Variants in PDE4D observed in about 807,000 individuals in gnomAD.
The protein encoded by PDE4D is phosphodiesterase 4D.
A neutral mutation model predicts 87.4 loss-of-function variants in PDE4D; 24 were observed. The observed-to-expected ratio is 0.27, with a 90% confidence interval of 0.20 to 0.39. The LOEUF (loss-of-function observed/expected upper bound fraction) is 0.39, where lower values mean the gene tolerates loss of function less well. Among genes scored for constraint, PDE4D ranks in the 10% least tolerant of loss-of-function variants. The pLI is 1.00. For synonymous variants in PDE4D, 384 were observed against 383.2 expected, an observed-to-expected ratio of 1.00 and a Z score of -0.02; for missense variants, 714 against 1,041.0, an observed-to-expected ratio of 0.69 and a Z score of 4.32.
intron 1 of PDE4D, among the ~76,000 whole-genome samples, chr5:59,792,345 T>G (rs1183386467): frequency 6.6e-6 from 1 of 151,958 alleles, no homozygotes; most frequent in Non-Finnish European, 1.5e-5. Flanking sequence ...TTATTTTTTT[T>G]CATTTCAAAT....
At chr5:60,347,867 G>A (rs140822267) in intron 1 of PDE4D, among the ~76,000 whole-genome samples, 117 of 152,232 alleles carry the variant, frequency 7.7e-4, no homozygotes, top group African/African-American at 2.6e-3. Context: ...ATTGCAAAGC[G>A]AAAACTCAGG....
intron 1 of PDE4D, among the ~76,000 whole-genome samples, chr5:59,297,712 T>C (rs919215966): frequency 6.6e-6 from 1 of 152,040 alleles, no homozygotes; most frequent in Admixed American, 6.6e-5. Context: ...AATGAATGAA[T>C]GAATGAATGA....
intron 1 of PDE4D, among the ~76,000 whole-genome samples, chr5:59,507,042 A>G (rs1383535167): frequency 6.6e-6 from 1 of 152,204 alleles, no homozygotes; most frequent in Non-Finnish European, 1.5e-5. Context: ...TTTACCAATA[A>G]TAAAATGGGC....
rs184210806 is a variant in PDE4D at position 60,056,711 on chromosome 5, C to T, written c.43-67994G>A. Among the ~76,000 whole-genome samples the T allele has an allele frequency of 6.5e-4, 99 of 152,102 alleles. 1 individual carries two copies. The highest frequency in any genetic ancestry group is 2.2e-3 in the African/African-American group (93 of 41,534). The stretch of plus-strand genomic sequence containing the variant: ...TCTAATTTTTCTGGGCCTAGGTTTC[C>T]GTATCTTTAAAATACAGTGTCCTTT... On this transcript the variant is annotated intron_variant, in intron 2 of 16. Coordinates refer to the PDE4D transcript ENST00000502484.
chr5:59,173,324 G>T (rs528361939), intron 5 of PDE4D, among the ~76,000 whole-genome samples: 55 of 152,118 alleles, frequency 3.6e-4, no homozygotes, highest in African/African-American at 1.3e-3. Context: ...ATATTAATAG[G>T]TATGGCTCTA....
At chr5:59,628,771 A>C (rs2150138483) in intron 1 of PDE4D, among the ~76,000 whole-genome samples, 1 of 152,336 alleles carries the variant, frequency 6.6e-6, no homozygotes, top group Non-Finnish European at 1.5e-5. Context: ...GTGCTAGGAA[A>C]GGGTAAGACT....
At chr5:60,479,157 G>C (rs1318901883) in intron 1 of PDE4D, among the ~76,000 whole-genome samples, 1 of 152,038 alleles carries the variant, frequency 6.6e-6, no homozygotes, top group African/African-American at 2.4e-5. Flanking sequence ...GTTGGGGAGG[G>C]GGGAAGTTTT....
At chr5:59,216,934 C>T (rs768583826) in intron 1 of PDE4D, 5 of 197,150 alleles carry the variant, frequency 2.5e-5, no homozygotes, top group South Asian at 1.7e-4. Context: ...GTTTTTCACC[C>T]GGTCTCCATT....
chr5:59,299,415 TC>T (rs750060183), intron 1 of PDE4D, among the ~76,000 whole-genome samples: 18 of 152,150 alleles, frequency 1.2e-4, no homozygotes, highest in Non-Finnish European at 2.1e-4. Flanking sequence ...TTTTCAGAGA[TC>T]CTTCCATTTC....
intron 1 of PDE4D, among the ~76,000 whole-genome samples, chr5:59,666,282 T>C (rs1434865872): frequency 6.6e-6 from 1 of 152,142 alleles, no homozygotes. Context: ...TTTATGATAT[T>C]TTATTGTAAC....
At chr5:59,952,037 C>T (rs949886404) in intron 3 of PDE4D, among the ~76,000 whole-genome samples, 1 of 152,082 alleles carries the variant, frequency 6.6e-6, no homozygotes, top group African/African-American at 2.4e-5. Context: ...AGGGAAAGAC[C>T]AGGTAGAAGT....
intron 5 of PDE4D, among the ~76,000 whole-genome samples, chr5:59,081,523 A>AAAAAAAAAG (rs1766769463): frequency 2.6e-5 from 4 of 151,244 alleles, no homozygotes; most frequent in East Asian, 1.9e-4. Flanking sequence ...TCAGGTAAAA[A>AAAAAAAAAG]AAAAAAAGAA....
chr5:60,309,189 T>C (rs1185985630), intron 1 of PDE4D, among the ~76,000 whole-genome samples: 3 of 152,034 alleles, frequency 2.0e-5, no homozygotes, highest in African/African-American at 7.2e-5. Context: ...GTGCATAGCA[T>C]CTGCCTCTGA....
chr5:59,750,847 G>A lies in PDE4D; in HGVS notation c.455+142321C>T, dbSNP rs202246087. 2.0e-5 allele frequency among the ~76,000 whole-genome samples: 3 copies of A among 150,732 alleles called. No homozygotes were observed. In the East Asian group the frequency reaches 5.9e-4, roughly 29 times the overall value. ...GCTACCTGAGAGGTTGAGGTGGGAGGCCTCTTGAACCCAGAGCCCAAGAGG... is the reference window on the plus strand; with the variant it reads ...GCTACCTGAGAGGTTGAGGTGGGAGACCTCTTGAACCCAGAGCCCAAGAGG... On this transcript the variant is annotated intron_variant, in intron 1 of 14. Transcript: ENST00000340635.
chr5:59,755,756 G>A (rs955903223), intron 1 of PDE4D, among the ~76,000 whole-genome samples: 4 of 151,770 alleles, frequency 2.6e-5, no homozygotes, highest in African/African-American at 9.7e-5. Flanking sequence ...CAAACAAGCA[G>A]GAATGATAAT....
chr5:59,498,884 A>T (rs1449911806), intron 1 of PDE4D, among the ~76,000 whole-genome samples: 3 of 152,068 alleles, frequency 2.0e-5, no homozygotes, highest in Non-Finnish European at 4.4e-5. Context: ...ACTAACAAAA[A>T]ATTTTGTATT....
At chr5:60,277,588 T>C (rs1477230803) in intron 1 of PDE4D, among the ~76,000 whole-genome samples, 1 of 152,120 alleles carries the variant, frequency 6.6e-6, no homozygotes, top group Non-Finnish European at 1.5e-5. Flanking sequence ...TTACATCATA[T>C]ACTGAAATTT....
intron 1 of PDE4D, among the ~76,000 whole-genome samples, chr5:59,524,262 G>A (rs748731633): frequency 3.3e-5 from 5 of 152,196 alleles, no homozygotes; most frequent in Non-Finnish European, 4.4e-5. Flanking sequence ...AGTTTGGGAC[G>A]TCTGAGAAAC....
At position 60,140,134 on chromosome 5, in the gene PDE4D, C is replaced by T. The variant is rs1183686021; in HGVS notation, c.42+45423G>A. The stretch of plus-strand genomic sequence containing the variant: ...TTAGAATATGAATGAATTTTTTAAT[C>T]ATTTCTTGAAGCAATTAATTGTTGC... On this transcript the variant is annotated intron_variant, in intron 2 of 16. Transcript: ENST00000502484. 3.3e-5 allele frequency among the ~76,000 whole-genome samples: 5 copies of T among 152,048 alleles called. No individual in the cohort carries two copies. The East Asian group carries it at 5.8e-4, about 18-fold the overall frequency.
Sources: allele counts gnomAD v4.1 joint callset (sites outside exome capture counted in the v4.1 genomes callset), GRCh38; gene constraint gnomAD v4.1.1; transcripts MANE v1.5; gene names NCBI Gene and HGNC (gene_info 2026-07-23, HGNC 2026-07-21).